The following RAB26 variants were observed in gnomAD, a reference collection of about 807,000 sequenced individuals.
The protein encoded by RAB26 is ras-related protein Rab-26.
In RAB26, 39 loss-of-function variants were observed where a neutral mutation model predicts 33.1. The ratio of observed to expected loss-of-function variants is 1.18; its 90% confidence interval spans 0.91 to 1.54. The LOEUF is 1.54. Ranked by LOEUF, RAB26 falls within the 40% of genes most tolerant of loss-of-function variation. The pLI is 0.00. For synonymous variants in RAB26, 192 were observed against 151.9 expected (o/e 1.26, Z -1.94); for missense variants, 468 against 362.9 (o/e 1.29, Z -2.35).
Position 2,154,099 on chromosome 16 carries a change from C to T in RAB26, c.*678C>T. On this transcript the variant is annotated 3_prime_UTR_variant, in exon 9 of 9. Coordinates refer to ENST00000210187, the MANE Select transcript of RAB26 (RefSeq NM_014353.5). ...CAACTTGGCCTTTTGATTGCACAAG[C>T]CTTTGTTTTCAGTCCTAGTGAATAA... 1 of 321,228 alleles carries T rather than the reference C, an allele frequency of 3.1e-6. No homozygotes were observed. The allele number at this position is 321,228 out of a possible 1,614,324, so 19.9% of individuals were successfully genotyped here.
Position 2,148,649 on chromosome 16 carries a change from T to TGCCGCCGCC in RAB26, c.-110_-102dup, listed in dbSNP as rs761711190. ...GGCGCGAGCCGGGCGCCCGGGATGA[T>TGCCGCCGCC]GCCGCCGCCGCCGCCGCCGCCGCCG... On this transcript the variant is annotated 5_prime_UTR_variant, in exon 1 of 9. Coordinates refer to ENST00000210187, the MANE Select transcript of RAB26 (RefSeq NM_014353.5). 2,685 of 388,606 alleles carry TGCCGCCGCC rather than the reference T, an allele frequency of 6.9e-3. 20 individuals carry two copies. Among genetic ancestry groups the TGCCGCCGCC allele is most frequent in the South Asian group, 0.024 (207 of 8,808 alleles). 24.1% of individuals were successfully genotyped at this position (388,606 alleles called of 1,614,324 possible). A position where few individuals can be genotyped will look rare whatever the true frequency, so the allele number is the denominator to read the frequency against.
Position 2,148,832 on chromosome 16 carries a change from G to A in RAB26, c.49G>A (p.Ala17Thr). 1 of 1,415,514 alleles carries A rather than the reference G, an allele frequency of 7.1e-7. No homozygotes were observed. The highest frequency in any genetic ancestry group is 9.2e-7 in the Non-Finnish European group (1 of 1,085,524). The allele number at this position is 1,415,514 out of a possible 1,614,324, so 87.7% of individuals were successfully genotyped here. Residue 17 changes from alanine (A) to threonine (T), a missense_variant, in exon 1 of 9, where the codon GCC becomes ACC. Physicochemically the swap from Ala to Thr is moderately conservative, Grantham distance 58. Transcript: ENST00000210187. ...PKSKGASTPA[A>T]STLPTANGAR... ...GAGCAAAGGGGCCAGCACCCCCGCTGCCTCCACGCTGCCCACCGCCAACGG... is the reference window on the plus strand; with the variant it reads ...GAGCAAAGGGGCCAGCACCCCCGCTACCTCCACGCTGCCCACCGCCAACGG...
intron 5 of RAB26, 56 bp downstream of exon 5, chr16:2,151,964 A>G: frequency 1.9e-6 from 3 of 1,599,602 alleles, no homozygotes; most frequent in Non-Finnish European, 1.7e-6. Flanking sequence ...ACCCATCCCA[A>G]CCTCCTTCTG....
intron 2 of RAB26, chr16:2,151,005 G>A (rs28458252): frequency 0.016 from 5,291 of 329,178 alleles, 311 homozygotes; most frequent in African/African-American, 0.11. Flanking sequence ...TTAACTGGGA[G>A]GGCCCGGCTG....
At chr16:2,149,353 A>G (rs1208715045) in intron 1 of RAB26, among the ~76,000 whole-genome samples, 2 of 120,930 alleles carry the variant, frequency 1.7e-5, no homozygotes, top group Non-Finnish European at 3.3e-5. Flanking sequence ...TGCCAGATGG[A>G]TGGGGAACCC....
Position 2,153,969 on chromosome 16 carries a change from G to C in RAB26, c.*548G>C. The C allele has an allele frequency of 2.7e-6, 1 of 369,160 alleles. No individual in the cohort carries two copies. Among genetic ancestry groups the C allele is most frequent in the Non-Finnish European group, 5.4e-6 (1 of 183,948 alleles). 22.9% of individuals were successfully genotyped at this position (369,160 alleles called of 1,614,324 possible). ...GACCTTGGAGGATGCCTGTGGCCTT[G>C]TGATAAAATGTGGGAAATCACAGAA... On this transcript the variant is annotated 3_prime_UTR_variant, in exon 9 of 9. Transcript: ENST00000210187.
rs774884768 is a variant in RAB26, at chr16:2,153,453, C to T, written c.*32C>T. On this transcript the variant is annotated 3_prime_UTR_variant, in exon 9 of 9. Transcript: ENST00000210187. ...CTGAGCTCAGTCCTCTGGAGGAAGC[C>T]GTCCAGTCCCTAGAAGGCTGGACAG... 94 of 1,602,592 alleles carry T rather than the reference C, an allele frequency of 5.9e-5. No homozygotes were observed. Among genetic ancestry groups the T allele is most frequent in the Middle Eastern group, 3.3e-4 (2 of 6,040 alleles).
Position 2,153,165 on chromosome 16 carries a change from T to A in RAB26, c.611T>A (p.Met204Lys). Reference sequence around the variant, plus strand: ...TTACAGGAGTATGGACTGCCCTTCATGGAGACCAGCGCCAAGACGGGCCTC... The same window carrying A: ...TTACAGGAGTATGGACTGCCCTTCAAGGAGACCAGCGCCAAGACGGGCCTC... ...KLAKEYGLPF[M>K]ETSAKTGLNV... The change falls in exon 8 of 9, where the codon ATG (methionine) becomes AAG (lysine). Residue 204 changes from methionine to lysine, a missense_variant. Coordinates refer to ENST00000210187, the MANE Select transcript of RAB26 (RefSeq NM_014353.5). 1 of 1,613,826 alleles carries A rather than the reference T, an allele frequency of 6.2e-7. No individual in the cohort carries two copies.
rs1373197774 is a variant in RAB26, at chr16:2,153,399, G to A, written c.749G>A (p.Gly250Glu). The stretch of plus-strand genomic sequence containing the variant: ...GATTACGTTAAGAGGGAGGGTCGAG[G>A]GGCCTCCTGCTGCCGCCCTTGAACC... ...LHDYVKREGRGASCCRP is the reference protein window; with the variant it reads ...LHDYVKREGREASCCRP The change falls in exon 9 of 9, where the codon GGG becomes GAG. Residue 250 changes from glycine (G) to glutamate (E), a missense_variant. Gly to Glu is a moderately conservative substitution (Grantham distance 98). Transcript: ENST00000210187. 2.5e-6 allele frequency: 4 copies of A among 1,613,446 alleles called. No homozygotes were observed. In the South Asian group the frequency reaches 3.3e-5, roughly 13 times the overall value.
intron 2 of RAB26, among the ~76,000 whole-genome samples, chr16:2,150,777 C>G (rs374670680): frequency 6.6e-6 from 1 of 152,222 alleles, no homozygotes; most frequent in Admixed American, 6.5e-5. Flanking sequence ...TTCGCACTCT[C>G]GTTCAGGGTG....
chr16:2,152,923 AGGGCAGGTGAGG>A (rs760511869), intron 6 of RAB26, 38 bp downstream of exon 6: 9 of 1,590,466 alleles, frequency 5.7e-6, no homozygotes, highest in Admixed American at 1.8e-5. Flanking sequence ...GCCACAGGGC[AGGGCAGGTGAGG>A]GGGCAGGGGC....
rs2093016438 is a variant in RAB26 at position 2,153,893 on chromosome 16, G to A, written c.*472G>A. ...GTGTCCTGGGAGCTGCCTGCTCCCGGCCCACCCTCTAGGAGGCTCTGGCTC... is the reference window on the plus strand; with the variant it reads ...GTGTCCTGGGAGCTGCCTGCTCCCGACCCACCCTCTAGGAGGCTCTGGCTC... On this transcript the variant is annotated 3_prime_UTR_variant, in exon 9 of 9. Coordinates refer to ENST00000210187, the MANE Select transcript of RAB26 (RefSeq NM_014353.5). The A allele has an allele frequency of 6.6e-6, 3 of 456,042 alleles. No homozygotes were observed. Among genetic ancestry groups the A allele is most frequent in the South Asian group, 3.1e-5 (2 of 64,534 alleles). The allele number at this position is 456,042 out of a possible 1,614,324, so 28.2% of individuals were successfully genotyped here.
rs751093587 is a variant in RAB26 at position 2,148,920 on chromosome 16, T to C, written c.137T>C (p.Leu46Ser). 1.1e-5 allele frequency: 15 copies of C among 1,307,872 alleles called. No individual in the cohort carries two copies. The African/African-American group carries it at 2.3e-4, about 20-fold the overall frequency. The allele number at this position is 1,307,872 out of a possible 1,614,324, so 81.0% of individuals were successfully genotyped here. ...SGPDAPPNGP[L>S]QPGRPSLGGG... ...CCCGACGCGCCGCCCAACGGGCCCT[T>C]GCAGCCCGGCCGGCCCTCGCTTGGC... The change falls in exon 1 of 9, where the codon TTG (leucine) becomes TCG (serine). Residue 46 changes from leucine (L) to serine (S), a missense_variant. Coordinates refer to ENST00000210187, the MANE Select transcript of RAB26 (RefSeq NM_014353.5).
At position 2,151,606 on chromosome 16, in the gene RAB26, T is replaced by C; in HGVS notation, c.344T>C (p.Leu115Pro). ...GACGTGGATGGTGTGAAGGTGAAGC[T>C]GCAGGTAAGGTGACTGGCAGAGGAC... ...VLDVDGVKVK[L>P]QMWDTAGQER... The change falls in exon 3 of 9, where the codon CTG (leucine) becomes CCG (proline). Residue 115 changes from leucine to proline, a missense_variant. Leu to Pro is a moderately conservative substitution (Grantham distance 98). Transcript: ENST00000210187. 1 of 1,613,982 alleles carries C rather than the reference T, an allele frequency of 6.2e-7. No individual in the cohort carries two copies. Among genetic ancestry groups the C allele is most frequent in the Non-Finnish European group, 8.5e-7 (1 of 1,180,016 alleles).
In RAB26 at chr16:2,150,043, G is replaced by C. The variant is rs1225059032; in HGVS notation, c.298G>C (p.Asp100His). The C allele has an allele frequency of 1.1e-5, 17 of 1,542,362 alleles. No individual in the cohort carries two copies. The East Asian group carries it at 1.3e-4, about 11-fold the overall frequency. Residue 100 changes from aspartate to histidine, a missense_variant, in exon 2 of 9, where the codon GAC (aspartate) becomes CAC (histidine). Transcript: ENST00000210187. ...GACCTTCATCTCCACCGTAGGCATT[G>C]ACTTCCGGGTGAGTGGAGGCCCTGG... The part of the protein sequence containing the change: ...AGTFISTVGI[D>H]FRNKVLDVDG...
intron 5 of RAB26, 150 bp downstream of exon 5, chr16:2,152,058 T>A: frequency 1.8e-6 from 2 of 1,105,800 alleles, no homozygotes; most frequent in Non-Finnish European, 2.6e-6. Flanking sequence ...GTGGCCCAAG[T>A]GGACCTGAGT....
Position 2,153,560 on chromosome 16 carries a change from G to A in RAB26, c.*139G>A. 1 of 765,442 alleles carries A rather than the reference G, an allele frequency of 1.3e-6. No individual in the cohort carries two copies. The highest frequency in any genetic ancestry group is 1.7e-5 in the South Asian group (1 of 59,500). 47.4% of individuals were successfully genotyped at this position (765,442 alleles called of 1,614,324 possible). On this transcript the variant is annotated 3_prime_UTR_variant, in exon 9 of 9. Transcript: ENST00000210187. ...TTTCAGGAGCCCCAGGTCAAGCCTT[G>A]TCCCTTCCTCCTCCCAGCAACAGTC...
intron 2 of RAB26, 102 bp from the exon 3 acceptor site, chr16:2,151,467 C>A: frequency 6.5e-7 from 1 of 1,544,806 alleles, no homozygotes; most frequent in South Asian, 1.1e-5. Flanking sequence ...TGGGCTGGAC[C>A]TGGGAGCTGG....
Position 2,148,717 on chromosome 16 carries a change from G to A in RAB26, c.-67G>A. 8 of 1,203,716 alleles carry A rather than the reference G, an allele frequency of 6.6e-6. No homozygotes were observed. The highest frequency in any genetic ancestry group is 8.3e-6 in the Non-Finnish European group (8 of 967,220). 74.6% of individuals were successfully genotyped at this position (1,203,716 alleles called of 1,614,324 possible). ...GTTCGGGTCCGGGTCGGGCTCGGCG[G>A]GCGCGGGGTGCGGGACGGCCCAGGG... On this transcript the variant is annotated 5_prime_UTR_variant, in exon 1 of 9. Coordinates refer to ENST00000210187, the MANE Select transcript of RAB26 (RefSeq NM_014353.5).
Sources: gnomAD v4.1 joint callset for allele counts (sites outside exome capture counted in the v4.1 genomes callset) on GRCh38, gnomAD v4.1.1 for gene constraint, MANE v1.5 for transcripts, NCBI Gene and HGNC (gene_info 2026-07-23, HGNC 2026-07-21) for gene names.